The following COL6A6 variants were observed in gnomAD, a reference collection of about 807,000 sequenced individuals.
The protein encoded by COL6A6 is collagen alpha-6(VI) chain.
Under a neutral mutation model 208.6 loss-of-function variants are expected in COL6A6, and 183 were observed. The ratio of observed to expected loss-of-function variants is 0.88; its 90% CI spans 0.78 to 0.99. COL6A6 has a LOEUF of 0.99. Among genes scored for constraint, COL6A6 ranks in the 50% least tolerant of loss-of-function variants. The probability of loss-of-function intolerance (pLI) is 0.00; values close to 1 mark genes in which losing one functional copy is unlikely to be tolerated. For missense variants in COL6A6, 2,816 were observed against 2,815.2 expected, an observed-to-expected ratio of 1.00 and a Z score of -0.01; for synonymous variants, 973 against 1,011.8, an observed-to-expected ratio of 0.96 and a Z score of 0.73.
At chr3:130,671,666 A>G (rs2108494026) in intron 36 of COL6A6, among the ~76,000 whole-genome samples, 1 of 152,366 alleles carries the variant, frequency 6.6e-6, no homozygotes, top group African/African-American at 2.4e-5. Flanking sequence ...AGGTCTGGAT[A>G]TAAAGATGAC....
Position 130,566,746 on chromosome 3 carries a change from G to A in COL6A6, c.1327G>A (p.Gly443Ser). The A allele has an allele frequency of 6.2e-7, 1 of 1,613,684 alleles. No individual in the cohort carries two copies. The highest frequency in any genetic ancestry group is 8.5e-7 in the Non-Finnish European group (1 of 1,179,764). Residue 443 changes from glycine (G) to serine (S), a missense_variant, in exon 5 of 37, where the codon GGC becomes AGC. By Grantham distance (56) the Gly-to-Ser change is moderately conservative. Transcript: ENST00000358511. ...EEADIYLLID[G>S]SGSTQATDFH... ...AGCAGACATCTATCTGCTTATCGATGGCTCAGGGAGCACCCAGGCCACAGA... is the reference window on the plus strand; with the variant it reads ...AGCAGACATCTATCTGCTTATCGATAGCTCAGGGAGCACCCAGGCCACAGA...
chr3:130,638,432 C>T (rs1204419512), intron 28 of COL6A6, among the ~76,000 whole-genome samples: 1 of 152,210 alleles, frequency 6.6e-6, no homozygotes, highest in Non-Finnish European at 1.5e-5. Context: ...TCCAACCTGA[C>T]CCACCTGATG....
intron 1 of COL6A6, among the ~76,000 whole-genome samples, chr3:130,547,475 G>A (rs539433504): frequency 3.9e-5 from 6 of 152,336 alleles, no homozygotes; most frequent in African/African-American, 1.4e-4. Flanking sequence ...AGAGGGAGCC[G>A]GCTCCGGCCT....
intron 28 of COL6A6, among the ~76,000 whole-genome samples, chr3:130,640,220 A>T (rs1408361384): frequency 6.6e-6 from 1 of 152,216 alleles, no homozygotes; most frequent in Non-Finnish European, 1.5e-5. Flanking sequence ...GATATAAAAC[A>T]CATTGGTTCT....
At chr3:130,657,785 A>G (rs2065833124) in intron 33 of COL6A6, among the ~76,000 whole-genome samples, 2 of 152,282 alleles carry the variant, frequency 1.3e-5, no homozygotes, top group Middle Eastern at 6.8e-3. Flanking sequence ...TGGATTAATT[A>G]TGGTGATGGG....
rs756024696 is a variant in COL6A6, at chr3:130,581,841, C to A, written c.3828C>A (p.Leu1276=). 2 of 1,613,208 alleles carry A rather than the reference C, an allele frequency of 1.2e-6. No individual in the cohort carries two copies. Among genetic ancestry groups the A allele is most frequent in the Non-Finnish European group, 1.7e-6 (2 of 1,179,350 alleles). ...KDITVKGPSL[L]NANLLDSLWD... is the part of the protein sequence containing the mutation. ...TAACAGTTAAAGGACCATCTCTTCT[C>A]AATGCAAACCTCTTGGATTCTCTAT... is the stretch of plus-strand genomic sequence containing the variant. Residue 1276 remains leucine, a synonymous_variant, in exon 9 of 37, where the codon CTC becomes CTA. Coordinates refer to ENST00000358511, the MANE Select transcript of COL6A6 (RefSeq NM_001102608.3).
intron 1 of COL6A6, among the ~76,000 whole-genome samples, chr3:130,536,385 G>A (rs1402359235): frequency 6.6e-6 from 1 of 152,092 alleles, no homozygotes; most frequent in East Asian, 1.9e-4. Context: ...AGACTCCAGG[G>A]TGCAGCCTGC....
In COL6A6 at chr3:130,563,632, A is replaced by G. The variant is rs765348963; in HGVS notation, c.629A>G (p.Lys210Arg). ...ATCATCAAGGATGTAATAAAGTACA[A>G]GGAGGGAGCAGTTGATGACATCTTT... Reference protein sequence around the residue: ...THIIKDVIKYKEGAVDDIFVE... With the variant: ...THIIKDVIKYREGAVDDIFVE... The change falls in exon 3 of 37, where the codon AAG becomes AGG. Residue 210 changes from lysine (K) to arginine (R), a missense_variant. Physicochemically the swap from Lys to Arg is conservative, Grantham distance 26. Transcript: ENST00000358511. 4.3e-6 allele frequency: 7 copies of G among 1,613,084 alleles called. No homozygotes were observed. In the East Asian group the frequency reaches 1.3e-4, roughly 31 times the overall value.
At chr3:130,609,877 C>A (rs532070683) in intron 22 of COL6A6, among the ~76,000 whole-genome samples, 30 of 151,698 alleles carry the variant, frequency 2.0e-4, no homozygotes, top group Non-Finnish European at 4.0e-4. Flanking sequence ...AGTGCACAGT[C>A]TTCCCCTTGG....
At chr3:130,621,400 T>G (rs1407528424) in intron 23 of COL6A6, among the ~76,000 whole-genome samples, 1 of 152,242 alleles carries the variant, frequency 6.6e-6, no homozygotes, top group Non-Finnish European at 1.5e-5. Context: ...ACATATCATA[T>G]GATTTTCCAA....
intron 36 of COL6A6, among the ~76,000 whole-genome samples, chr3:130,667,241 G>GT (rs1172160059): frequency 1.3e-5 from 2 of 152,064 alleles, no homozygotes; most frequent in Admixed American, 1.3e-4. Context: ...CTAAACAAAT[G>GT]TTTTTTTGTT....
At position 130,528,413 on chromosome 3, in the gene COL6A6, C is replaced by G. The variant is rs114174887; in HGVS notation, c.-32+11016C>G. On this transcript the variant is annotated intron_variant, in intron 1 of 36. Transcript: ENST00000358511. ...GCTGATCATGCTGATCTGAGGACCA[C>G]TCTTTAAGTAGCAATGGAATAGGGC... Among the ~76,000 whole-genome samples the G allele has an allele frequency of 6.3e-4, 96 of 152,280 alleles. 1 individual carries two copies. The highest frequency in any genetic ancestry group is 2.2e-3 in the African/African-American group (93 of 41,552).
At chr3:130,658,950 C>A (rs2065872698) in intron 34 of COL6A6, among the ~76,000 whole-genome samples, 178 bp downstream of exon 34, 1 of 152,180 alleles carries the variant, frequency 6.6e-6, no homozygotes, top group Non-Finnish European at 1.5e-5. Flanking sequence ...CTCAGCTCAG[C>A]AAACATGGTC....
chr3:130,565,615 G>GT lies in COL6A6; in HGVS notation c.1282+2dup, dbSNP rs1440766471. 8 of 1,606,760 alleles carry GT rather than the reference G, an allele frequency of 5.0e-6. No individual in the cohort carries two copies. The highest frequency in any genetic ancestry group is 6.8e-6 in the Non-Finnish European group (8 of 1,176,278). ...GAGAGGACTGAAACGCTCAAATCTG[G>GT]TAAGGTCTTCTGCTGAAAGAAGGGT... On this transcript the variant is annotated splice_donor_variant, in intron 4 of 36. Coordinates refer to ENST00000358511, the MANE Select transcript of COL6A6 (RefSeq NM_001102608.3). LOFTEE classifies it high-confidence loss of function.
intron 23 of COL6A6, among the ~76,000 whole-genome samples, chr3:130,617,861 A>G (rs2064580184): frequency 1.3e-5 from 2 of 152,162 alleles, no homozygotes; most frequent in Admixed American, 1.3e-4. Flanking sequence ...GTCCTTGGCA[A>G]TGCCCCAACC....
chr3:130,675,408 G>T lies in COL6A6; in HGVS notation c.*11G>T. 6.4e-7 allele frequency: 1 copy of T among 1,554,848 alleles called. No homozygotes were observed. Among genetic ancestry groups the T allele is most frequent in the Admixed American group, 2.0e-5 (1 of 50,428 alleles). ...AAACAACATGATTAAAAAAATGCTT[G>T]AACAACTTAGCCTTAGGAAGCATGG... is the stretch of plus-strand genomic sequence containing the variant. On this transcript the variant is annotated 3_prime_UTR_variant, in exon 37 of 37. Coordinates refer to ENST00000358511, the MANE Select transcript of COL6A6 (RefSeq NM_001102608.3).
chr3:130,565,524 G>A lies in COL6A6; in HGVS notation c.1192G>A (p.Ala398Thr), dbSNP rs941188150. The change falls in exon 4 of 37, where the codon GCT (alanine) becomes ACT (threonine). Residue 398 changes from alanine (A) to threonine (T), a missense_variant. Physicochemically the swap from Ala to Thr is moderately conservative, Grantham distance 58. Transcript: ENST00000358511. The stretch of plus-strand genomic sequence containing the variant: ...ACTGAAGACCTTCGCTGACCTGGCT[G>A]CTCACAACCAGACATTTCTGAAGAA... ...SKLKTFADLA[A>T]HNQTFLKKLR... 3.7e-6 allele frequency: 6 copies of A among 1,613,834 alleles called. No homozygotes were observed. The African/African-American group carries it at 8.0e-5, about 22-fold the overall frequency.
At chr3:130,673,221 A>AAAAACCC (rs1553724899) in intron 36 of COL6A6, among the ~76,000 whole-genome samples, 221 of 117,050 alleles carry the variant, frequency 1.9e-3, no homozygotes, top group Non-Finnish European at 2.0e-3. Flanking sequence ...AAAAAACAAA[A>AAAAACCC]AAAAAAAACA....
chr3:130,661,680 C>T lies in COL6A6; in HGVS notation c.5874C>T (p.Pro1958=), dbSNP rs925448853. The change falls in exon 35 of 37, where the codon CCC becomes CCT. Residue 1958 remains proline (P), a synonymous_variant. Transcript: ENST00000358511. ...PDASCDQARP[P]PVQSYMDAAF... ...CTTCTTGTGACCAAGCCAGACCACC[C>T]CCTGTGCAGTCTTACATGGATGCTG... is the stretch of plus-strand genomic sequence containing the variant. 3.7e-6 allele frequency: 6 copies of T among 1,613,838 alleles called. No individual in the cohort carries two copies. The highest frequency in any genetic ancestry group is 5.1e-6 in the Non-Finnish European group (6 of 1,179,806).
Sources: gnomAD v4.1 joint callset for allele counts (sites outside exome capture counted in the v4.1 genomes callset) on GRCh38, gnomAD v4.1.1 for gene constraint, MANE v1.5 for transcripts, NCBI Gene and HGNC (gene_info 2026-07-23, HGNC 2026-07-21) for gene names.